Variants in AHRR observed in about 807,000 individuals in gnomAD.
AHRR encodes aryl hydrocarbon receptor repressor, also known as ahR repressor.
Under a neutral mutation model 44.0 loss-of-function variants are expected in AHRR, and 28 were observed. The ratio of observed to expected loss-of-function variants is 0.64; its 90% CI spans 0.47 to 0.87. The LOEUF is 0.87. Ranked by LOEUF, AHRR falls within the 40% of genes least tolerant of loss-of-function variation. AHRR has a pLI of 0.00. For missense variants in AHRR, 990 were observed against 953.9 expected (o/e 1.04, Z -0.50); for synonymous variants, 434 against 407.0 (o/e 1.07, Z -0.80).
chr5:429,409 C>T (rs1371308799), intron 8 of AHRR, among the ~76,000 whole-genome samples: 1 of 152,244 alleles, frequency 6.6e-6, no homozygotes, highest in Non-Finnish European at 1.5e-5. Context: ...CGAGTTGCCG[C>T]TCCTGCCACT....
At position 426,676 on chromosome 5, in the gene AHRR, CGGATGGAT is replaced by C. The variant is rs1258410161; in HGVS notation, c.709-1126_709-1119del. 2.0e-3 allele frequency among the ~76,000 whole-genome samples: 220 copies of C among 112,068 alleles called. 1 individual carries two copies. Among genetic ancestry groups the C allele is most frequent in the African/African-American group, 7.5e-3 (218 of 28,936 alleles). The allele number at this position is 112,068 out of a possible 152,430, so 73.5% of individuals were successfully genotyped here. A position where few individuals can be genotyped will look rare whatever the true frequency, so the allele number is the denominator to read the frequency against. ...AAAGATGGATGGGTGGATGGGTGGA[CGGATGGAT>C]GGATAGATGGATGGGTGGATGGATG... On this transcript the variant is annotated intron_variant, in intron 7 of 10. Transcript: ENST00000684583.
At chr5:353,137 T>C (rs977683221) in intron 2 of AHRR, among the ~76,000 whole-genome samples, 1 of 152,128 alleles carries the variant, frequency 6.6e-6, no homozygotes, top group Non-Finnish European at 1.5e-5. Flanking sequence ...CACTGCCCCT[T>C]TGTGGGGCCC....
At chr5:390,564 A>G in intron 4 of AHRR, among the ~76,000 whole-genome samples, 1 of 152,208 alleles carries the variant, frequency 6.6e-6, no homozygotes, top group Non-Finnish European at 1.5e-5. Flanking sequence ...AGTAAAGGAA[A>G]AAGAGGTGGA....
intron 8 of AHRR, among the ~76,000 whole-genome samples, chr5:429,421 C>T (rs922160004): frequency 1.6e-4 from 24 of 152,230 alleles, no homozygotes; most frequent in African/African-American, 5.1e-4. Flanking sequence ...CCTGCCACTT[C>T]CTCCTGGGAC....
intron 3 of AHRR, chr5:368,088 G>A (rs934968450): frequency 3.3e-5 from 20 of 597,080 alleles, no homozygotes; most frequent in East Asian, 2.0e-4. Context: ...ATTTACCTAC[G>A]AATTCATTAT....
chr5:353,918 C>T lies in AHRR; in HGVS notation c.244+7C>T, dbSNP rs899731919. The stretch of plus-strand genomic sequence containing the variant: ...GTGAAGAGCTTCTTCCAAGGTAGGA[C>T]TCTCACCTGCTCCCACCTGTTCACT... On this transcript the variant is annotated splice_region_variant and intron_variant, in intron 3 of 10. Coordinates refer to ENST00000684583, the MANE Select transcript of AHRR (RefSeq NM_001377236.1). 1.9e-6 allele frequency: 3 copies of T among 1,609,024 alleles called. No homozygotes were observed. The highest frequency in any genetic ancestry group is 3.3e-5 in the Admixed American group (2 of 59,746).
At chr5:413,757 G>A (rs1043192370) in intron 5 of AHRR, among the ~76,000 whole-genome samples, 2 of 152,182 alleles carry the variant, frequency 1.3e-5, no homozygotes, top group Admixed American at 6.5e-5. Flanking sequence ...CCATTCAGCC[G>A]CTCCCAGGCA....
chr5:380,931 G>A (rs1029257736), intron 4 of AHRR, among the ~76,000 whole-genome samples: 2 of 152,220 alleles, frequency 1.3e-5, no homozygotes, highest in African/African-American at 4.8e-5. Flanking sequence ...CAGAACTAGA[G>A]AAGCTGATGA....
chr5:382,335 C>A (rs1386011810), intron 4 of AHRR, among the ~76,000 whole-genome samples: 3 of 152,188 alleles, frequency 2.0e-5, no homozygotes, highest in African/African-American at 4.8e-5. Context: ...ACCATGAATT[C>A]AATTTCCTTG....
chr5:367,628 C>T (rs1579628911), intron 3 of AHRR, among the ~76,000 whole-genome samples: 1 of 152,308 alleles, frequency 6.6e-6, no homozygotes, highest in South Asian at 2.1e-4. Flanking sequence ...TTTTGAAGGC[C>T]ATGCCCTCCT....
At chr5:356,049 TA>T (rs1477079004) in intron 3 of AHRR, among the ~76,000 whole-genome samples, 1 of 152,216 alleles carries the variant, frequency 6.6e-6, no homozygotes, top group East Asian at 1.9e-4. Flanking sequence ...ACGGCTGCCA[TA>T]AAAAGTTGCC....
chr5:354,507 G>A (rs1018896853), intron 3 of AHRR, among the ~76,000 whole-genome samples: 108 of 152,338 alleles, frequency 7.1e-4, no homozygotes, highest in African/African-American at 2.5e-3. Flanking sequence ...CCCCAGGCCT[G>A]TGCCCTGTCT....
At chr5:353,978 G>A in intron 3 of AHRR, 67 bp downstream of exon 3, 3 of 1,511,164 alleles carry the variant, frequency 2.0e-6, no homozygotes, top group Admixed American at 1.9e-5. Flanking sequence ...GTCCATCTGG[G>A]GCCTTGTGGC....
At chr5:414,154 T>C (rs1013396171) in intron 5 of AHRR, among the ~76,000 whole-genome samples, 1 of 151,912 alleles carries the variant, frequency 6.6e-6, no homozygotes, top group Non-Finnish European at 1.5e-5. Flanking sequence ...TCCCAGCTAC[T>C]AGGGAGGCTG....
intron 1 of AHRR, 130 bp from the exon 2 acceptor site, chr5:343,763 C>A: frequency 2.4e-6 from 2 of 842,732 alleles, no homozygotes; most frequent in East Asian, 6.2e-5. Context: ...CGAGGAGGAG[C>A]AGGAGGTGGG....
At chr5:375,386 G>A (rs1299753276) in intron 3 of AHRR, among the ~76,000 whole-genome samples, 1 of 152,136 alleles carries the variant, frequency 6.6e-6, no homozygotes, top group South Asian at 2.1e-4. Flanking sequence ...GTCTAAGCTC[G>A]GCCCAGTGGG....
At chr5:345,358 T>G (rs1742611065) in intron 2 of AHRR, among the ~76,000 whole-genome samples, 6 of 54,002 alleles carry the variant, frequency 1.1e-4, no homozygotes, top group Non-Finnish European at 1.5e-4. Flanking sequence ...GTGTGTCGGA[T>G]GATGTCCCTG....
intron 3 of AHRR, among the ~76,000 whole-genome samples, chr5:369,855 G>T (rs1027697744): frequency 6.6e-6 from 1 of 152,200 alleles, no homozygotes; most frequent in African/African-American, 2.4e-5. Flanking sequence ...AAGGCAAAAC[G>T]GTTTCTCATC....
intron 3 of AHRR, among the ~76,000 whole-genome samples, chr5:366,643 T>A (rs1205907292): frequency 1.3e-5 from 2 of 152,122 alleles, no homozygotes; most frequent in African/African-American, 4.8e-5. Context: ...AAATATCTAT[T>A]AATTATGAAG....
Sources: allele counts gnomAD v4.1 joint callset (sites outside exome capture counted in the v4.1 genomes callset), GRCh38; gene constraint gnomAD v4.1.1; transcripts MANE v1.5; gene names NCBI Gene and HGNC (gene_info 2026-07-23, HGNC 2026-07-21).